Variants in POMGNT2 observed in about 807,000 individuals in gnomAD.
POMGNT2 encodes protein O-linked mannose N-acetylglucosaminyltransferase 2 (beta 1,4-), also known as protein O-linked-mannose beta-1,4-N-acetylglucosaminyltransferase 2.
POMGNT2 carries 32 observed loss-of-function variants against 37.8 expected under a neutral mutation model. The ratio of observed to expected loss-of-function variants is 0.85; its 90% CI spans 0.64 to 1.14. POMGNT2 has a LOEUF of 1.14. Among genes scored for constraint, POMGNT2 ranks in the 50% most tolerant of loss-of-function variants. The pLI, the probability that POMGNT2 is intolerant of heterozygous loss-of-function variation, is 0.00. For missense variants in POMGNT2, 705 were observed against 780.6 expected (o/e 0.90, Z 1.15); for synonymous variants, 340 against 336.8 (o/e 1.01, Z -0.10).
In POMGNT2 at chr3:43,079,798, G is replaced by A. The variant is rs2089829480; in HGVS notation, c.1634C>T (p.Thr545Ile). The change falls in exon 2 of 2, where the codon ACC (threonine) becomes ATC (isoleucine). Residue 545 changes from threonine (T) to isoleucine (I), a missense_variant. Thr to Ile is a moderately conservative substitution (Grantham distance 89). Transcript: ENST00000344697. The part of the protein sequence containing the change: ...VPYILALQNH[T>I]FTENIKPFTT... Reference sequence around the variant, plus strand: ...GAAGGGCTTGATGTTCTCAGTGAAGGTGTGGTTCTGCAGAGCCAGGATGTA... The same window carrying A: ...GAAGGGCTTGATGTTCTCAGTGAAGATGTGGTTCTGCAGAGCCAGGATGTA... The A allele has an allele frequency of 1.2e-6, 2 of 1,614,080 alleles. No homozygotes were observed. The highest frequency in any genetic ancestry group is 1.3e-5 in the African/African-American group (1 of 74,948).
In POMGNT2 at chr3:43,079,343, T is replaced by A; in HGVS notation, c.*346A>T. On this transcript the variant is annotated 3_prime_UTR_variant, in exon 2 of 2. Transcript: ENST00000344697. Reference sequence around the variant, plus strand: ...ACCCAATCAAACAGTACATGATTACTCGGTTTCCAGAAATCTGGATACCAG... The same window carrying A: ...ACCCAATCAAACAGTACATGATTACACGGTTTCCAGAAATCTGGATACCAG... 1 of 269,488 alleles carries A rather than the reference T, an allele frequency of 3.7e-6. No homozygotes were observed. The highest frequency in any genetic ancestry group is 7.0e-6 in the Non-Finnish European group (1 of 142,790). 16.7% of individuals were successfully genotyped at this position (269,488 alleles called of 1,614,324 possible).
chr3:43,100,199 G>T (rs1258381334), intron 1 of POMGNT2, among the ~76,000 whole-genome samples: 1 of 151,320 alleles, frequency 6.6e-6, no homozygotes, highest in South Asian at 2.1e-4. Flanking sequence ...ATATCTGCAG[G>T]TTCTGCATAT....
chr3:43,092,419 T>TC (rs2089950702), intron 1 of POMGNT2, among the ~76,000 whole-genome samples: 1 of 152,084 alleles, frequency 6.6e-6, no homozygotes, highest in South Asian at 2.1e-4. Context: ...CATCTCAGCC[T>TC]CCCAAATAGC....
chr3:43,093,267 G>A (rs556349924), intron 1 of POMGNT2, among the ~76,000 whole-genome samples: 1 of 152,314 alleles, frequency 6.6e-6, no homozygotes, highest in Non-Finnish European at 1.5e-5. Context: ...ATATGGGTGG[G>A]GGCCTTGTGA....
In POMGNT2 at chr3:43,080,890, T is replaced by C; in HGVS notation, c.542A>G (p.Gln181Arg). The change falls in exon 2 of 2, where the codon CAG becomes CGG. Residue 181 changes from glutamine (Q) to arginine (R), a missense_variant. Physicochemically the swap from Gln to Arg is conservative, Grantham distance 43. Transcript: ENST00000344697. Reference protein sequence around the residue: ...DLLPLFYTLRQFPGLAHEARL... With the variant: ...DLLPLFYTLRRFPGLAHEARL... ...TGCCTCGTGGGCCAGGCCGGGAAAC[T>C]GCCGCAGGGTGTAGAAGAGTGGCAG... is the stretch of plus-strand genomic sequence containing the variant. The C allele has an allele frequency of 6.2e-7, 1 of 1,614,124 alleles. No individual in the cohort carries two copies. Among genetic ancestry groups the C allele is most frequent in the African/African-American group, 1.3e-5 (1 of 75,044 alleles).
intron 1 of POMGNT2, among the ~76,000 whole-genome samples, chr3:43,084,724 C>T (rs2089882652): frequency 6.6e-6 from 1 of 151,778 alleles, no homozygotes. Flanking sequence ...TTTTTTCTCC[C>T]TGTTGTTCAG....
At chr3:43,091,330 C>T (rs2089941427) in intron 1 of POMGNT2, among the ~76,000 whole-genome samples, 1 of 151,864 alleles carries the variant, frequency 6.6e-6, no homozygotes, top group African/African-American at 2.4e-5. Flanking sequence ...GAGCTCCCAA[C>T]AGCTAAATCT....
chr3:43,097,057 A>G (rs2089984929), intron 1 of POMGNT2, among the ~76,000 whole-genome samples: 2 of 152,150 alleles, frequency 1.3e-5, no homozygotes, highest in African/African-American at 4.8e-5. Flanking sequence ...TCACCACGTG[A>G]GGGTGGTCAT....
rs2125712281 is a variant in POMGNT2 at position 43,101,616 on chromosome 3, T to C, written c.-106+4220A>G. On this transcript the variant is annotated intron_variant, in intron 1 of 1. Transcript: ENST00000344697. The stretch of plus-strand genomic sequence containing the variant: ...TCTTAATAAAGCTTCCAGGTGATTC[T>C]TGCGTGTGCACAATACTGAGGGGAA... 2.0e-5 allele frequency among the ~76,000 whole-genome samples: 3 copies of C among 152,320 alleles called. No homozygotes were observed. In the South Asian group the frequency reaches 6.2e-4, roughly 32 times the overall value.
chr3:43,079,709 C>T lies in POMGNT2; in HGVS notation c.1723G>A (p.Val575Met). The T allele has an allele frequency of 6.2e-7, 1 of 1,613,446 alleles. No individual in the cohort carries two copies. Among genetic ancestry groups the T allele is most frequent in the Non-Finnish European group, 8.5e-7 (1 of 1,179,622 alleles). ...GCTCGCTACGTGTTGCACACCAGCACATCTGCAAAGGGTCCCAGGAGGATC... is the reference window on the plus strand; with the variant it reads ...GCTCGCTACGTGTTGCACACCAGCATATCTGCAAAGGGTCCCAGGAGGATC... ...NKILLGPFADVLVCNT is the reference protein window; with the variant it reads ...NKILLGPFADMLVCNT Residue 575 changes from valine (V) to methionine (M), a missense_variant, in exon 2 of 2, where the codon GTG (valine) becomes ATG (methionine). Coordinates refer to ENST00000344697, the MANE Select transcript of POMGNT2 (RefSeq NM_032806.6).
intron 1 of POMGNT2, among the ~76,000 whole-genome samples, chr3:43,084,955 T>C (rs1034638339): frequency 6.6e-6 from 1 of 152,130 alleles, no homozygotes. Flanking sequence ...TTAAATCTTC[T>C]ATTTTAGTAG....
intron 1 of POMGNT2, among the ~76,000 whole-genome samples, chr3:43,086,475 C>T (rs1022976285): frequency 5.9e-5 from 9 of 152,224 alleles, no homozygotes; most frequent in African/African-American, 2.2e-4. Context: ...TTCTGCTTTA[C>T]TTCACTGCAA....
At chr3:43,088,237 C>G (rs565506308) in intron 1 of POMGNT2, among the ~76,000 whole-genome samples, 3 of 152,342 alleles carry the variant, frequency 2.0e-5, no homozygotes, top group African/African-American at 7.2e-5. Context: ...AGTGGTGAGG[C>G]AGGCACTGTC....
rs530295375 is a variant in POMGNT2 at position 43,085,532 on chromosome 3, G to A, written c.-105-3996C>T. Among the ~76,000 whole-genome samples the A allele has an allele frequency of 3.6e-3, 549 of 152,232 alleles. 3 individuals carry two copies. Among genetic ancestry groups the A allele is most frequent in the Non-Finnish European group, 5.9e-3 (404 of 68,010 alleles). On this transcript the variant is annotated intron_variant, in intron 1 of 1. Coordinates refer to ENST00000344697, the MANE Select transcript of POMGNT2 (RefSeq NM_032806.6). ...TCTCTCTTTGCCTGCTGCCATTCACGTAAGATGTGCCTTGTTCCTTCTTGC... is the reference window on the plus strand; with the variant it reads ...TCTCTCTTTGCCTGCTGCCATTCACATAAGATGTGCCTTGTTCCTTCTTGC...
intron 1 of POMGNT2, among the ~76,000 whole-genome samples, chr3:43,092,471 AT>A (rs2089951023): frequency 1.3e-5 from 2 of 152,022 alleles, no homozygotes; most frequent in Admixed American, 6.6e-5. Context: ...TAATTTTTAA[AT>A]TTTTTGTAGA....
At chr3:43,081,756 C>T (rs1296651916) in intron 1 of POMGNT2, among the ~76,000 whole-genome samples, 1 of 152,252 alleles carries the variant, frequency 6.6e-6, no homozygotes, top group Non-Finnish European at 1.5e-5. Context: ...TGCATCCCCA[C>T]ACCCGACTTT....
At chr3:43,094,557 T>G (rs1407669093) in intron 1 of POMGNT2, among the ~76,000 whole-genome samples, 1 of 152,260 alleles carries the variant, frequency 6.6e-6, no homozygotes, top group African/African-American at 2.4e-5. Context: ...GACTTGGAGC[T>G]AAGCCGCTGT....
chr3:43,080,336 G>C lies in POMGNT2; in HGVS notation c.1096C>G (p.Pro366Ala). The C allele has an allele frequency of 6.2e-7, 1 of 1,614,144 alleles. No individual in the cohort carries two copies. Among genetic ancestry groups the C allele is most frequent in the Non-Finnish European group, 8.5e-7 (1 of 1,180,028 alleles). Reference protein sequence around the residue: ...PRGATVVELFPYAVNPDHYTP... With the variant: ...PRGATVVELFAYAVNPDHYTP... ...TAGTGGTCGGGATTGACAGCATATGGGAAGAGCTCTACCACAGTTGCCCCA... is the reference window on the plus strand; with the variant it reads ...TAGTGGTCGGGATTGACAGCATATGCGAAGAGCTCTACCACAGTTGCCCCA... The change falls in exon 2 of 2, where the codon CCA (proline) becomes GCA (alanine). Residue 366 changes from proline to alanine, a missense_variant. Pro to Ala is a conservative substitution (Grantham distance 27). Coordinates refer to ENST00000344697, the MANE Select transcript of POMGNT2 (RefSeq NM_032806.6).
intron 1 of POMGNT2, among the ~76,000 whole-genome samples, chr3:43,097,516 G>A (rs1191520887): frequency 6.6e-6 from 1 of 152,074 alleles, no homozygotes; most frequent in East Asian, 1.9e-4. Context: ...GAAAGGGAGG[G>A]AGAAAGGAAG....
Sources: allele counts gnomAD v4.1 joint callset (sites outside exome capture counted in the v4.1 genomes callset), GRCh38; gene constraint gnomAD v4.1.1; transcripts MANE v1.5; gene names NCBI Gene and HGNC (gene_info 2026-07-23, HGNC 2026-07-21).